Variants in R3HDM1 observed in about 807,000 individuals in gnomAD.
R3HDM1 encodes R3H domain-containing protein 1.
R3HDM1 carries 46 observed loss-of-function variants against 141.1 expected under a neutral mutation model. The observed-to-expected ratio is 0.33, with a 90% confidence interval of 0.26 to 0.42. R3HDM1 has a LOEUF of 0.42. Among genes scored for constraint, R3HDM1 ranks in the 10% least tolerant of loss-of-function variants. The pLI, the probability that R3HDM1 is intolerant of heterozygous loss-of-function variation, is 1.00. For missense variants in R3HDM1, 1,184 were observed against 1,368.3 expected (o/e 0.87, Z 2.12); for synonymous variants, 435 against 472.9 (o/e 0.92, Z 1.04).
intron 3 of R3HDM1, chr2:135,607,443 C>G: frequency 7.6e-6 from 5 of 656,592 alleles, no homozygotes; most frequent in Non-Finnish European, 9.4e-6. Context: ...TGGTAATCAT[C>G]TAAGAAATTG....
intron 19 of R3HDM1, chr2:135,670,176 C>T (rs2068131981): frequency 4.5e-6 from 1 of 222,248 alleles, no homozygotes; most frequent in Non-Finnish European, 7.4e-6. Context: ...AAAAGATTAG[C>T]TTGTGGTATC....
chr2:135,661,723 G>A (rs1158737022), intron 19 of R3HDM1, among the ~76,000 whole-genome samples: 1 of 152,176 alleles, frequency 6.6e-6, no homozygotes, highest in Non-Finnish European at 1.5e-5. Flanking sequence ...GCAAAAGAGA[G>A]GCAAGGCGAG....
At chr2:135,619,814 G>A in intron 5 of R3HDM1, 1 of 684,172 alleles carries the variant, frequency 1.5e-6, no homozygotes, top group Non-Finnish European at 1.8e-6. Flanking sequence ...AATTAAGAGA[G>A]AGATGTCACT....
chr2:135,687,270 G>T (rs991213942), intron 21 of R3HDM1, among the ~76,000 whole-genome samples: 2 of 152,156 alleles, frequency 1.3e-5, no homozygotes, highest in African/African-American at 4.8e-5. Flanking sequence ...CTGCAGGGAG[G>T]GGGAAGTGGA....
At chr2:135,688,697 G>A (rs2071803465) in intron 21 of R3HDM1, among the ~76,000 whole-genome samples, 3 of 152,176 alleles carry the variant, frequency 2.0e-5, no homozygotes, top group Non-Finnish European at 2.9e-5. Context: ...AGCACTTTGG[G>A]AGGCCGAGGC....
chr2:135,713,346 T>C (rs2075862288), intron 23 of R3HDM1, among the ~76,000 whole-genome samples: 1 of 152,206 alleles, frequency 6.6e-6, no homozygotes, highest in Non-Finnish European at 1.5e-5. Flanking sequence ...GCCGTAGTAA[T>C]AGTTTGGCAA....
chr2:135,541,500 G>A lies in R3HDM1; in HGVS notation c.-250+9867G>A, dbSNP rs146865727. Among the ~76,000 whole-genome samples the A allele has an allele frequency of 3.0e-3, 453 of 152,302 alleles. 3 individuals carry two copies. Among genetic ancestry groups the A allele is most frequent in the African/African-American group, 0.01 (422 of 41,568 alleles). On this transcript the variant is annotated intron_variant, in intron 1 of 26. Transcript: ENST00000683871. ...TGGGATTACAGGCGTGAGCCACCGTGCCCAGCCAGTTGACCTAATTTCAAT... is the reference window on the plus strand; with the variant it reads ...TGGGATTACAGGCGTGAGCCACCGTACCCAGCCAGTTGACCTAATTTCAAT...
At chr2:135,610,142 T>C (rs2060401752) in intron 3 of R3HDM1, among the ~76,000 whole-genome samples, 1 of 152,236 alleles carries the variant, frequency 6.6e-6, no homozygotes, top group Admixed American at 6.5e-5. Context: ...GCTCTGCTTA[T>C]TAAAGGTTCA....
chr2:135,533,591 A>G (rs1237582664), intron 1 of R3HDM1, among the ~76,000 whole-genome samples: 2 of 152,246 alleles, frequency 1.3e-5, no homozygotes, highest in African/African-American at 2.4e-5. Context: ...AGATAAATAT[A>G]TAATAGTGGC....
chr2:135,626,185 G>A (rs906983093), intron 7 of R3HDM1, among the ~76,000 whole-genome samples: 4 of 144,366 alleles, frequency 2.8e-5, no homozygotes, highest in African/African-American at 5.5e-5. Flanking sequence ...GCTTGCTTGC[G>A]TGCGTGCGTG....
Position 135,638,749 on chromosome 2 carries a change from G to A in R3HDM1, c.952G>A (p.Glu318Lys), listed in dbSNP as rs1371885206. The A allele has an allele frequency of 8.1e-6, 13 of 1,614,012 alleles. No individual in the cohort carries two copies. The highest frequency in any genetic ancestry group is 2.2e-5 in the East Asian group (1 of 44,884). ...NYIIDKRLQDEDASSTQQRRQ... is the reference protein window; with the variant it reads ...NYIIDKRLQDKDASSTQQRRQ... ...TTAAAATGCCAACAGACTCCAAGAC[G>A]AGGATGCCAGTAGTACCCAGCAGAG... is the stretch of plus-strand genomic sequence containing the variant. The change falls in exon 13 of 27, where the codon GAG becomes AAG. Residue 318 changes from glutamate (E) to lysine (K), a missense_variant. Glu to Lys is a moderately conservative substitution (Grantham distance 56). Around this residue, in one of 5 missense-constraint regions of R3HDM1, gnomAD observed 240 missense variants for 312.3 expected, o/e 0.77. Transcript: ENST00000683871.
intron 21 of R3HDM1, among the ~76,000 whole-genome samples, chr2:135,708,376 T>C (rs1042207225): frequency 6.6e-6 from 1 of 152,254 alleles, no homozygotes; most frequent in Admixed American, 6.5e-5. Flanking sequence ...TACTGTCATT[T>C]AACATGTCTT....
In R3HDM1 at chr2:135,675,400, C is replaced by A; in HGVS notation, c.2221C>A (p.Gln741Lys). Residue 741 changes from glutamine to lysine, a missense_variant, in exon 20 of 27, where the codon CAG becomes AAG. Physicochemically the swap from Gln to Lys is moderately conservative, Grantham distance 53. Coordinates refer to ENST00000683871, the MANE Select transcript of R3HDM1 (RefSeq NM_001378107.1). ...GIVGVQQPQS[Q>K]SLVSGQPNSI... ...AGTTGGAGTTCAGCAACCCCAGAGT[C>A]AGAGCCTAGTCAGTGGCCAACCCAA... 1 of 1,613,972 alleles carries A rather than the reference C, an allele frequency of 6.2e-7. No individual in the cohort carries two copies. The highest frequency in any genetic ancestry group is 8.5e-7 in the Non-Finnish European group (1 of 1,179,880).
intron 1 of R3HDM1, among the ~76,000 whole-genome samples, chr2:135,582,184 G>A (rs1368623584): frequency 6.6e-6 from 1 of 152,004 alleles, no homozygotes; most frequent in Non-Finnish European, 1.5e-5. Context: ...AAAAAAATTA[G>A]CCAGGCATGG....
At chr2:135,632,385 A>G (rs1187117366) in intron 9 of R3HDM1, among the ~76,000 whole-genome samples, 6 of 151,750 alleles carry the variant, frequency 4.0e-5, no homozygotes, top group Admixed American at 2.6e-4. Context: ...ACACCCTCAC[A>G]TTTAGTTAAT....
intron 21 of R3HDM1, among the ~76,000 whole-genome samples, chr2:135,695,869 A>G (rs1469257087): frequency 2.0e-5 from 3 of 152,252 alleles, no homozygotes; most frequent in African/African-American, 4.8e-5. Context: ...AATGATACCA[A>G]TGGAAATTGG....
At chr2:135,665,931 A>C (rs2067427588) in intron 19 of R3HDM1, among the ~76,000 whole-genome samples, 1 of 152,098 alleles carries the variant, frequency 6.6e-6, no homozygotes, top group Admixed American at 6.5e-5. Flanking sequence ...TTTCCAAACG[A>C]TGATGTTGTT....
At chr2:135,706,569 G>T (rs2074952876) in intron 21 of R3HDM1, among the ~76,000 whole-genome samples, 1 of 152,038 alleles carries the variant, frequency 6.6e-6, no homozygotes, top group East Asian at 1.9e-4. Flanking sequence ...ATTAGGGAGT[G>T]GTGATGACTC....
intron 21 of R3HDM1, among the ~76,000 whole-genome samples, chr2:135,702,688 G>A (rs1441460292): frequency 1.3e-5 from 2 of 150,800 alleles, no homozygotes; most frequent in Admixed American, 1.3e-4. Context: ...ATGGTGATGT[G>A]TGCCTGTAAT....
Sources: gnomAD v4.1 joint callset for allele counts (sites outside exome capture counted in the v4.1 genomes callset) on GRCh38, gnomAD v4.1.1 for gene constraint, gnomAD v4.1.1 regional missense constraint, MANE v1.5 for transcripts, NCBI Gene and HGNC (gene_info 2026-07-23, HGNC 2026-07-21) for gene names.